The following RIMS4 variants were observed in gnomAD, a reference collection of about 807,000 sequenced individuals.
RIMS4 encodes the protein regulating synaptic membrane exocytosis protein 4.
In RIMS4, 9 loss-of-function variants were observed where a neutral mutation model predicts 29.0. That is an observed-to-expected ratio of 0.31 (90% CI 0.19 to 0.54). The LOEUF is 0.54. RIMS4 is among the 20% of genes least tolerant of loss of function. The pLI, the probability that RIMS4 is intolerant of heterozygous loss-of-function variation, is 0.94. For missense variants in RIMS4, 193 were observed against 365.7 expected (o/e 0.53, Z 3.85); for synonymous variants, 130 against 152.9 (o/e 0.85, Z 1.10).
intron 1 of RIMS4, among the ~76,000 whole-genome samples, chr20:44,793,609 G>A (rs2066242216): frequency 6.6e-6 from 1 of 152,214 alleles, no homozygotes; most frequent in South Asian, 2.1e-4. Flanking sequence ...CTGACTCAGG[G>A]CCATTTGGGC....
chr20:44,795,059 T>C (rs944736257), intron 1 of RIMS4, among the ~76,000 whole-genome samples: 6 of 152,298 alleles, frequency 3.9e-5, no homozygotes, highest in African/African-American at 1.4e-4. Flanking sequence ...AACATACCCC[T>C]TTCCCTGGGC....
At chr20:44,764,138 T>C (rs375097398) in intron 2 of RIMS4, among the ~76,000 whole-genome samples, 595 of 16,894 alleles carry the variant, frequency 0.035, 1 homozygote, top group South Asian at 0.039. Flanking sequence ...ATCCATCCAT[T>C]TATGCATCCA....
intron 2 of RIMS4, among the ~76,000 whole-genome samples, chr20:44,769,736 A>G (rs2066128555): frequency 6.6e-6 from 1 of 152,120 alleles, no homozygotes; most frequent in African/African-American, 2.4e-5. Flanking sequence ...AAGGCCATTC[A>G]CGAGGCTGAA....
chr20:44,757,960 G>T, intron 3 of RIMS4, 112 bp downstream of exon 3: 1 of 964,664 alleles, frequency 1.0e-6, no homozygotes, highest in South Asian at 1.5e-5. Context: ...GCTCTAGGCG[G>T]CATGCGCAGA....
intron 3 of RIMS4, 73 bp downstream of exon 3, chr20:44,757,999 G>C: frequency 8.6e-7 from 1 of 1,161,702 alleles, no homozygotes; most frequent in Non-Finnish European, 1.3e-6. Flanking sequence ...AGGGGAAGGA[G>C]GGAGAGACGC....
At chr20:44,766,146 C>T (rs1348660169) in intron 2 of RIMS4, among the ~76,000 whole-genome samples, 1 of 152,186 alleles carries the variant, frequency 6.6e-6, no homozygotes, top group Non-Finnish European at 1.5e-5. Context: ...CCTACCCGTT[C>T]CATTCCACTT....
At chr20:44,791,626 G>T (rs951523040) in intron 1 of RIMS4, among the ~76,000 whole-genome samples, 2 of 152,170 alleles carry the variant, frequency 1.3e-5, no homozygotes, top group African/African-American at 2.4e-5. Flanking sequence ...TCCCACTCCC[G>T]GGTGTGGAAG....
chr20:44,773,482 G>A (rs2066145729), intron 1 of RIMS4, among the ~76,000 whole-genome samples: 3 of 152,014 alleles, frequency 2.0e-5, no homozygotes, highest in Middle Eastern at 6.8e-3. Flanking sequence ...AGACGTGCAG[G>A]AACAAACACC....
intron 1 of RIMS4, among the ~76,000 whole-genome samples, chr20:44,778,156 T>C (rs2066168604): frequency 6.6e-6 from 1 of 152,250 alleles, no homozygotes. Context: ...AGCACTGATG[T>C]TGCCTCTGGC....
rs951374335 is a variant in RIMS4, at chr20:44,754,187, C to G, written c.*1947G>C. 6.6e-6 allele frequency: 1 copy of G among 152,292 alleles called. No individual in the cohort carries two copies. The highest frequency in any genetic ancestry group is 2.4e-5 in the African/African-American group (1 of 41,452). 9.4% of individuals were successfully genotyped at this position (152,292 alleles called of 1,614,324 possible). A position where few individuals can be genotyped will look rare whatever the true frequency, so the allele number is the denominator to read the frequency against. On this transcript the variant is annotated 3_prime_UTR_variant, in exon 6 of 6. Coordinates refer to ENST00000372851, the MANE Select transcript of RIMS4 (RefSeq NM_182970.4). Reference sequence around the variant, plus strand: ...TCCCTCCAGAGCCCTGCTCCTTCCACCCCCAGCCTTGGGATTCCACCCACC... The same window carrying G: ...TCCCTCCAGAGCCCTGCTCCTTCCAGCCCCAGCCTTGGGATTCCACCCACC...
At chr20:44,767,724 A>G (rs1384163850) in intron 2 of RIMS4, among the ~76,000 whole-genome samples, 1 of 152,226 alleles carries the variant, frequency 6.6e-6, no homozygotes, top group African/African-American at 2.4e-5. Context: ...CATCTGTAAA[A>G]TGGGAATATT....
At chr20:44,759,997 A>G (rs952181191) in intron 2 of RIMS4, among the ~76,000 whole-genome samples, 2 of 152,182 alleles carry the variant, frequency 1.3e-5, no homozygotes, top group Non-Finnish European at 2.9e-5. Context: ...TGCCTCAGAG[A>G]AGGAATGACC....
chr20:44,767,254 G>A (rs1380061602), intron 2 of RIMS4, among the ~76,000 whole-genome samples: 2 of 152,226 alleles, frequency 1.3e-5, no homozygotes, highest in Non-Finnish European at 2.9e-5. Flanking sequence ...CAGGTGGGGA[G>A]TATGGTATGT....
chr20:44,792,869 G>C (rs2066238940), intron 1 of RIMS4, among the ~76,000 whole-genome samples: 1 of 152,102 alleles, frequency 6.6e-6, no homozygotes, highest in South Asian at 2.1e-4. Context: ...GGGTCTGTGG[G>C]GTCAGAAGAA....
At chr20:44,791,552 A>T (rs1175858387) in intron 1 of RIMS4, among the ~76,000 whole-genome samples, 1 of 152,216 alleles carries the variant, frequency 6.6e-6, no homozygotes, top group African/African-American at 2.4e-5. Flanking sequence ...ATAACTGGAC[A>T]AGCATTTGTA....
chr20:44,756,346 C>T lies in RIMS4; in HGVS notation c.598G>A (p.Val200Met). ...SPQGKVLQVI[V>M]WGNYGRMERK... Reference sequence around the variant, plus strand: ...TCCATCCGCCCGTAGTTCCCCCACACGATCACCTGTGGGGCAAGAGACACA... The same window carrying T: ...TCCATCCGCCCGTAGTTCCCCCACATGATCACCTGTGGGGCAAGAGACACA... The change falls in exon 6 of 6, where the codon GTG becomes ATG. Residue 200 changes from valine to methionine, a missense_variant. Physicochemically the swap from Val to Met is conservative, Grantham distance 21. Transcript: ENST00000372851. This position sits in a 1 kb window ranked among gnomAD's most constrained non-coding sequence, Gnocchi z 5.9. 2 of 1,613,102 alleles carry T rather than the reference C, an allele frequency of 1.2e-6. No homozygotes were observed. Among genetic ancestry groups the T allele is most frequent in the Non-Finnish European group, 1.7e-6 (2 of 1,179,382 alleles).
rs1320429404 is a variant in RIMS4 at position 44,799,266 on chromosome 20, G to C, written c.97+10909C>G. 2.0e-5 allele frequency among the ~76,000 whole-genome samples: 3 copies of C among 151,966 alleles called. No homozygotes were observed. The East Asian group carries it at 5.8e-4, about 29-fold the overall frequency. On this transcript the variant is annotated intron_variant, in intron 1 of 5. Transcript: ENST00000372851. ...TACAGTGACCTGAGATCATGCCACT[G>C]CACTCTAGACTGGGCAACAGAGCAA...
intron 2 of RIMS4, among the ~76,000 whole-genome samples, chr20:44,763,634 T>C (rs2066095610): frequency 6.6e-6 from 1 of 152,248 alleles, no homozygotes; most frequent in Non-Finnish European, 1.5e-5. Context: ...TTTTATTTTG[T>C]GTTAATGGTG....
chr20:44,810,504 C>CGGCGGCGGCGGCGGTGGCGGCGGCGGT lies in RIMS4; in HGVS notation c.-234_-233insACCGCCGCCGCCACCGCCGCCGCCGCC, dbSNP rs1555866054. On this transcript the variant is annotated 5_prime_UTR_variant, in exon 1 of 6. Coordinates refer to ENST00000372851, the MANE Select transcript of RIMS4 (RefSeq NM_182970.4). Reference sequence around the variant, plus strand: ...CGCGCTGTGCTGCTGGCGGCGGCGGCGGCGGCGGCGGTGGCGGCGGCGGTG... The same window carrying CGGCGGCGGCGGCGGTGGCGGCGGCGGT: ...CGCGCTGTGCTGCTGGCGGCGGCGGCGGCGGCGGCGGCGGTGGCGGCGGCGGTGGCGGCGGCGGTGGCGGCGGCGGTG... Among the ~76,000 whole-genome samples, 1 of 144,028 alleles carries CGGCGGCGGCGGCGGTGGCGGCGGCGGT rather than the reference C, an allele frequency of 6.9e-6. No individual in the cohort carries two copies. The highest frequency in any genetic ancestry group is 2.5e-5 in the African/African-American group (1 of 40,036). 94.5% of individuals were successfully genotyped at this position (144,028 alleles called of 152,430 possible).
Sources: gnomAD v4.1 joint callset for allele counts (sites outside exome capture counted in the v4.1 genomes callset) on GRCh38, gnomAD v4.1.1 for gene constraint, Gnocchi (gnomAD v3.1) non-coding constraint, MANE v1.5 for transcripts, NCBI Gene and HGNC (gene_info 2026-07-23, HGNC 2026-07-21) for gene names.